Variants in ELMO1 observed in about 807,000 individuals in gnomAD.
ELMO1 encodes engulfment and cell motility 1, also known as engulfment and cell motility protein 1.
In ELMO1, 26 loss-of-function variants were observed where a neutral mutation model predicts 98.9. The ratio of observed to expected loss-of-function variants is 0.26; its 90% confidence interval spans 0.19 to 0.36. ELMO1 has a LOEUF of 0.36. Ranked by LOEUF, ELMO1 falls within the 10% of genes least tolerant of loss-of-function variation. ELMO1 has a pLI of 1.00. For synonymous variants in ELMO1, 346 were observed against 346.0 expected (o/e 1.00, Z 0.00); for missense variants, 627 against 935.2 (o/e 0.67, Z 4.30).
Position 37,213,400 on chromosome 7 carries a change from G to T in ELMO1, c.889C>A (p.Leu297Ile). Reference protein sequence around the residue: ...NNEMAHQLYVLQVLTFNLLED... With the variant: ...NNEMAHQLYVIQVLTFNLLED... The stretch of plus-strand genomic sequence containing the variant: ...AGGAGGTTAAAGGTGAGCACTTGTA[G>T]AACATACAGCTGGTGCGCCATCTCA... Residue 297 changes from leucine to isoleucine, a missense_variant, in exon 12 of 22, where the codon CTA becomes ATA. Physicochemically the swap from Leu to Ile is conservative, Grantham distance 5. Transcript: ENST00000310758. 6.2e-7 allele frequency: 1 copy of T among 1,612,678 alleles called. No homozygotes were observed. Among genetic ancestry groups the T allele is most frequent in the Non-Finnish European group, 8.5e-7 (1 of 1,179,778 alleles).
At chr7:37,250,199 A>G (rs1795266847) in intron 6 of ELMO1, among the ~76,000 whole-genome samples, 1 of 152,258 alleles carries the variant, frequency 6.6e-6, no homozygotes, top group Non-Finnish European at 1.5e-5. Flanking sequence ...ATTGTATATT[A>G]ATTGTACATA....
Position 36,978,547 on chromosome 7 carries a change from T to G in ELMO1, c.1437+34752A>C, listed in dbSNP as rs79997756. Among the ~76,000 whole-genome samples, 538 of 152,236 alleles carry G rather than the reference T, an allele frequency of 3.5e-3. 6 individuals are homozygous for G. The highest frequency in any genetic ancestry group is 0.012 in the African/African-American group (502 of 41,530). On this transcript the variant is annotated intron_variant, in intron 16 of 21. Coordinates refer to ENST00000310758, the MANE Select transcript of ELMO1 (RefSeq NM_014800.11). Reference sequence around the variant, plus strand: ...GTTTCTCAAAGCTTTCATTATGCCTTCAAGAAGAAGAAAGAGTTGGGGTAG... The same window carrying G: ...GTTTCTCAAAGCTTTCATTATGCCTGCAAGAAGAAGAAAGAGTTGGGGTAG...
intron 13 of ELMO1, among the ~76,000 whole-genome samples, chr7:37,163,748 T>A (rs1789411115): frequency 6.6e-6 from 1 of 152,192 alleles, no homozygotes; most frequent in African/African-American, 2.4e-5. Flanking sequence ...TGTTGGACAT[T>A]TGGGTTGGTT....
intron 2 of ELMO1, among the ~76,000 whole-genome samples, chr7:37,338,404 G>A (rs1800538033): frequency 6.6e-6 from 1 of 152,108 alleles, no homozygotes; most frequent in African/African-American, 2.4e-5. Flanking sequence ...AAACATACAA[G>A]GCACCATTTA....
intron 16 of ELMO1, among the ~76,000 whole-genome samples, chr7:36,943,729 G>A (rs781717102): frequency 2.0e-5 from 3 of 152,140 alleles, no homozygotes; most frequent in South Asian, 4.1e-4. Flanking sequence ...TTTTCAGAAC[G>A]CTTTGCACTT....
In ELMO1 at chr7:36,949,874, C is replaced by A. The variant is rs1787824913; in HGVS notation, c.1438-54857G>T. On this transcript the variant is annotated intron_variant, in intron 16 of 21. Coordinates refer to ENST00000310758, the MANE Select transcript of ELMO1 (RefSeq NM_014800.11). ...AATCCCTCCTCCCATTTGAGAACTA[C>A]TGTGTGGCCTCATGCCAATGACACA... is the stretch of plus-strand genomic sequence containing the variant. Among the ~76,000 whole-genome samples the A allele has an allele frequency of 3.3e-5, 5 of 152,326 alleles. No individual in the cohort carries two copies. In the South Asian group the frequency reaches 1.0e-3, roughly 32 times the overall value.
intron 16 of ELMO1, among the ~76,000 whole-genome samples, chr7:36,997,582 C>T (rs1326242192): frequency 6.6e-6 from 1 of 152,102 alleles, no homozygotes; most frequent in Non-Finnish European, 1.5e-5. Context: ...TTAGAGCCCA[C>T]AGAAGCAGCA....
intron 10 of ELMO1, among the ~76,000 whole-genome samples, chr7:37,220,254 T>C (rs983584774): frequency 6.6e-6 from 1 of 152,238 alleles, no homozygotes; most frequent in Non-Finnish European, 1.5e-5. Context: ...ATGAACAACA[T>C]TCTTAATTTC....
rs151265689 is a variant in ELMO1 at position 37,189,648 on chromosome 7, T to G, written c.1086+21738A>C. On this transcript the variant is annotated intron_variant, in intron 13 of 21. Transcript: ENST00000310758. Reference sequence around the variant, plus strand: ...CGTGAAATCAGATTGTTACCTAGCTTAAGCAATGATCTCCCAAAAGAATGA... The same window carrying G: ...CGTGAAATCAGATTGTTACCTAGCTGAAGCAATGATCTCCCAAAAGAATGA... Among the ~76,000 whole-genome samples the G allele has an allele frequency of 4.6e-5, 7 of 152,224 alleles. No individual in the cohort carries two copies. The East Asian group carries it at 1.4e-3, about 29-fold the overall frequency.
At chr7:37,231,979 A>C (rs1000254221) in intron 8 of ELMO1, among the ~76,000 whole-genome samples, 1 of 152,004 alleles carries the variant, frequency 6.6e-6, no homozygotes, top group African/African-American at 2.4e-5. Context: ...CAACCTCCCA[A>C]GTAGGCGGGA....
chr7:36,933,112 C>T (rs1786189005), intron 16 of ELMO1, among the ~76,000 whole-genome samples: 1 of 152,174 alleles, frequency 6.6e-6, no homozygotes, highest in South Asian at 2.1e-4. Context: ...AACTTCTGCT[C>T]AAAGCAGCTC....
At chr7:37,010,617 G>T (rs551579823) in intron 16 of ELMO1, among the ~76,000 whole-genome samples, 1 of 152,272 alleles carries the variant, frequency 6.6e-6, no homozygotes, top group African/African-American at 2.4e-5. Flanking sequence ...AAGTGAAAAA[G>T]GCAAGGAAAC....
intron 16 of ELMO1, among the ~76,000 whole-genome samples, chr7:37,007,406 C>T (rs1336732955): frequency 1.3e-5 from 2 of 152,200 alleles, no homozygotes; most frequent in Non-Finnish European, 2.9e-5. Flanking sequence ...CCCAGCTTCC[C>T]CTGGGCATGG....
At chr7:37,317,820 G>A (rs545948890) in intron 2 of ELMO1, among the ~76,000 whole-genome samples, 14 of 152,214 alleles carry the variant, frequency 9.2e-5, no homozygotes, top group Middle Eastern at 3.4e-3. Flanking sequence ...TAACTAAAAC[G>A]GTATAACTGG....
At chr7:37,013,693 C>A (rs749240396) in intron 15 of ELMO1, 6 of 398,528 alleles carry the variant, frequency 1.5e-5, no homozygotes, top group African/African-American at 1.2e-4. Flanking sequence ...CATGCCAGGA[C>A]AAGACCCTCT....
chr7:36,888,432 G>A (rs988201735), intron 17 of ELMO1, among the ~76,000 whole-genome samples: 1 of 152,020 alleles, frequency 6.6e-6, no homozygotes, highest in Non-Finnish European at 1.5e-5. Context: ...AACTATTCTA[G>A]TTGAAGCTGG....
intron 1 of ELMO1, among the ~76,000 whole-genome samples, chr7:37,426,766 A>AT (rs1804727983): frequency 6.6e-6 from 1 of 152,106 alleles, no homozygotes; most frequent in Non-Finnish European, 1.5e-5. Flanking sequence ...TCCCAGCCCT[A>AT]TTTTACTCAG....
At chr7:37,166,405 T>C (rs1322068644) in intron 13 of ELMO1, among the ~76,000 whole-genome samples, 6 of 151,008 alleles carry the variant, frequency 4.0e-5, no homozygotes, top group Admixed American at 3.3e-4. Flanking sequence ...GCTCTTGCTT[T>C]TCTAGTTCTT....
At chr7:37,097,614 AAAAGAAAG>A (rs376379510) in intron 14 of ELMO1, among the ~76,000 whole-genome samples, 7 of 151,820 alleles carry the variant, frequency 4.6e-5, no homozygotes, top group African/African-American at 1.2e-4. Flanking sequence ...AAGAGAAAAA[AAAAGAAAG>A]AAAGAAAGAA....
Sources: gnomAD v4.1 joint callset for allele counts (sites outside exome capture counted in the v4.1 genomes callset) on GRCh38, gnomAD v4.1.1 for gene constraint, MANE v1.5 for transcripts, NCBI Gene and HGNC (gene_info 2026-07-23, HGNC 2026-07-21) for gene names.